Variants in COL6A6 observed in about 807,000 individuals in gnomAD.
COL6A6 encodes the protein collagen type VI alpha 6 chain.
Under a neutral mutation model 208.6 loss-of-function variants are expected in COL6A6, and 183 were observed. That is an observed-to-expected ratio of 0.88 (90% CI 0.78 to 0.99). The LOEUF is 0.99. Among genes scored for constraint, COL6A6 ranks in the 50% least tolerant of loss-of-function variants. The probability of loss-of-function intolerance (pLI) is 0.00; values close to 1 mark genes in which losing one functional copy is unlikely to be tolerated. For synonymous variants in COL6A6, 973 were observed against 1,011.8 expected (o/e 0.96, Z 0.73); for missense variants, 2,816 against 2,815.2 (o/e 1.00, Z -0.01).
In COL6A6 at chr3:130,563,059, G is replaced by A; in HGVS notation, c.65-9G>A. ...TTTTTGGTTCGTTCATATGTTTGTGGTTTTGCAGGCCCTGAGTATGCAGAT... is the reference window on the plus strand; with the variant it reads ...TTTTTGGTTCGTTCATATGTTTGTGATTTTGCAGGCCCTGAGTATGCAGAT... On this transcript the variant is annotated splice_polypyrimidine_tract_variant and intron_variant, in intron 2 of 36. Transcript: ENST00000358511. The A allele has an allele frequency of 1.3e-6, 2 of 1,591,286 alleles. No individual in the cohort carries two copies. Among genetic ancestry groups the A allele is most frequent in the Admixed American group, 3.5e-5 (2 of 57,228 alleles).
At position 130,675,300 on chromosome 3, in the gene COL6A6, G is replaced by C. The variant is rs1356164627; in HGVS notation, c.6695G>C (p.Ser2232Thr). 8.8e-6 allele frequency: 14 copies of C among 1,594,352 alleles called. No individual in the cohort carries two copies. The East Asian group carries it at 3.2e-4, about 36-fold the overall frequency. ...DKKYLSRVAR[S>T]GRDDAIQNFM... ...AAATATCTTTCAAGAGTAGCAAGAA[G>C]TGGCAGAGATGATGCTATTCAAAAT... The change falls in exon 37 of 37, where the codon AGT becomes ACT. Residue 2232 changes from serine (S) to threonine (T), a missense_variant. Ser to Thr is a moderately conservative substitution (Grantham distance 58). Coordinates refer to ENST00000358511, the MANE Select transcript of COL6A6 (RefSeq NM_001102608.3).
chr3:130,553,636 G>GT (rs34984104), intron 1 of COL6A6, among the ~76,000 whole-genome samples: 18,464 of 148,128 alleles, frequency 0.12, 1,192 homozygotes, highest in Non-Finnish European at 0.15. Context: ...CATACTCTGG[G>GT]TTTTTTTTTT....
At chr3:130,642,332 C>T (rs2065339510) in intron 29 of COL6A6, among the ~76,000 whole-genome samples, 1 of 150,418 alleles carries the variant, frequency 6.6e-6, no homozygotes, top group African/African-American at 2.5e-5. Flanking sequence ...TCCAGATGTT[C>T]AATTGAGTCC....
chr3:130,650,079 A>T (rs926118891), intron 33 of COL6A6, among the ~76,000 whole-genome samples: 5 of 152,236 alleles, frequency 3.3e-5, no homozygotes, highest in African/African-American at 1.2e-4. Context: ...ATAGCTTCTT[A>T]GCTTGAGGAG....
chr3:130,627,556 G>T (rs1024086158), intron 26 of COL6A6, among the ~76,000 whole-genome samples, 187 bp downstream of exon 26: 1 of 152,166 alleles, frequency 6.6e-6, no homozygotes, highest in African/African-American at 2.4e-5. Context: ...ATGGTTTAAG[G>T]TGCAGGCAAC....
chr3:130,618,632 A>C (rs1159605625), intron 23 of COL6A6, among the ~76,000 whole-genome samples: 1 of 152,118 alleles, frequency 6.6e-6, no homozygotes, highest in Non-Finnish European at 1.5e-5. Flanking sequence ...TGAGTAGGTG[A>C]TTTATCTGGG....
intron 1 of COL6A6, among the ~76,000 whole-genome samples, chr3:130,545,028 C>T (rs1027119942): frequency 2.6e-5 from 4 of 152,052 alleles, no homozygotes; most frequent in African/African-American, 9.7e-5. Flanking sequence ...GATGTATGCC[C>T]ATCTATTTTT....
Position 130,649,274 on chromosome 3 carries a change from C to A in COL6A6, c.5445C>A (p.Phe1815Leu). 6.2e-7 allele frequency: 1 copy of A among 1,602,618 alleles called. No individual in the cohort carries two copies. The highest frequency in any genetic ancestry group is 8.5e-7 in the Non-Finnish European group (1 of 1,174,724). Residue 1815 changes from phenylalanine to leucine, a missense_variant, in exon 33 of 37, where the codon TTC (phenylalanine) becomes TTA (leucine). By Grantham distance (22) the Phe-to-Leu change is conservative. Coordinates refer to ENST00000358511, the MANE Select transcript of COL6A6 (RefSeq NM_001102608.3). ...YNSHARHLVR[F>L]SDAYKKSQLL... ...CCCACGCCAGGCACCTTGTGCGCTT[C>A]TCAGACGCCTACAAGAAGAGTCAAC...
Position 130,649,400 on chromosome 3 carries a change from G to C in COL6A6, c.5571G>C (p.Thr1857=), listed in dbSNP as rs760682710. 2.5e-6 allele frequency: 4 copies of C among 1,612,960 alleles called. No homozygotes were observed. The highest frequency in any genetic ancestry group is 1.6e-4 in the Middle Eastern group (1 of 6,062). ...TTTCCAGGAATGTCTTCAAGCGGAC[G>C]CTTCCGGGGGCACACACGAGAAAAA... ...RFISRNVFKR[T]LPGAHTRKIA... Residue 1857 remains threonine (T), a synonymous_variant, in exon 33 of 37, where the codon ACG becomes ACC. Coordinates refer to ENST00000358511, the MANE Select transcript of COL6A6 (RefSeq NM_001102608.3).
At chr3:130,527,935 G>GTTA (rs2061998541) in intron 1 of COL6A6, among the ~76,000 whole-genome samples, 1 of 40,118 alleles carries the variant, frequency 2.5e-5, no homozygotes, top group Non-Finnish European at 5.1e-5. Context: ...TGTTGTTGTT[G>GTTA]TTGCCCTACT....
At position 130,592,555 on chromosome 3, in the gene COL6A6, C is replaced by T. The variant is rs2063744959; in HGVS notation, c.4287C>T (p.Ala1429=). Residue 1429 remains alanine (A), a synonymous_variant, in exon 14 of 37, where the codon GCC becomes GCT. Transcript: ENST00000358511. ...GEEGIAGERG[A]PGPVGEQGTK... ...CCCTTTCTCAGGGAGAAAGAGGAGCCCCTGGACCAGTGGGAGAGCAAGGTA... is the reference window on the plus strand; with the variant it reads ...CCCTTTCTCAGGGAGAAAGAGGAGCTCCTGGACCAGTGGGAGAGCAAGGTA... 1.2e-6 allele frequency: 2 copies of T among 1,606,204 alleles called. No homozygotes were observed. The highest frequency in any genetic ancestry group is 3.4e-5 in the Admixed American group (2 of 58,636).
At chr3:130,519,178 C>T (rs1262546276) in intron 1 of COL6A6, among the ~76,000 whole-genome samples, 1 of 152,000 alleles carries the variant, frequency 6.6e-6, no homozygotes, top group Non-Finnish European at 1.5e-5. Flanking sequence ...AATTAAGTCA[C>T]CAAATGAAGA....
chr3:130,601,620 T>C (rs987946870), intron 20 of COL6A6, among the ~76,000 whole-genome samples: 2 of 152,238 alleles, frequency 1.3e-5, no homozygotes, highest in African/African-American at 4.8e-5. Context: ...AATATTGCTA[T>C]GCATTATTTA....
chr3:130,567,301 G>C (rs138809071), intron 5 of COL6A6, 39 bp downstream of exon 5: 1 of 1,456,458 alleles, frequency 6.9e-7, no homozygotes, highest in Admixed American at 2.0e-5. Flanking sequence ...ACCTTCACTC[G>C]CAAATTGCTA....
rs2065367125 is a variant in COL6A6 at position 130,643,107 on chromosome 3, C to T, written c.5227+84C>T. 3.5e-6 allele frequency: 5 copies of T among 1,425,808 alleles called. No individual in the cohort carries two copies. The South Asian group carries it at 6.0e-5, about 17-fold the overall frequency. 88.3% of individuals were successfully genotyped at this position (1,425,808 alleles called of 1,614,324 possible). On this transcript the variant is annotated intron_variant, in intron 31 of 36. Coordinates refer to ENST00000358511, the MANE Select transcript of COL6A6 (RefSeq NM_001102608.3). ...AGAAACCTACACTCAGAATTGAATT[C>T]ACCAGCCAATTTCTTAAAATTGGAG...
intron 7 of COL6A6, among the ~76,000 whole-genome samples, chr3:130,572,767 G>A (rs148172872): frequency 1.4e-3 from 214 of 152,248 alleles, no homozygotes; most frequent in Admixed American, 5.3e-3. Context: ...CTAAAGGATC[G>A]ATTTACCATA....
intron 26 of COL6A6, among the ~76,000 whole-genome samples, chr3:130,629,143 CT>C (rs2064982800): frequency 5.9e-5 from 1 of 16,822 alleles, no homozygotes; most frequent in Non-Finnish European, 9.2e-5. Context: ...AAGTTGAAAA[CT>C]TTGAAAAAAA....
chr3:130,660,863 C>T (rs1182828355), intron 34 of COL6A6, among the ~76,000 whole-genome samples: 1 of 152,220 alleles, frequency 6.6e-6, no homozygotes, highest in African/African-American at 2.4e-5. Flanking sequence ...AATTATTTTA[C>T]TATCCTGGCC....
At chr3:130,604,279 G>C (rs1319579028) in intron 20 of COL6A6, among the ~76,000 whole-genome samples, 2 of 151,964 alleles carry the variant, frequency 1.3e-5, no homozygotes, top group African/African-American at 2.4e-5. Flanking sequence ...GGATCATGAG[G>C]TCAGGAGATC....
Sources: gnomAD v4.1 joint callset for allele counts (sites outside exome capture counted in the v4.1 genomes callset) on GRCh38, gnomAD v4.1.1 for gene constraint, MANE v1.5 for transcripts, NCBI Gene and HGNC (gene_info 2026-07-23, HGNC 2026-07-21) for gene names.